Variants in MALRD1 observed in about 807,000 individuals in gnomAD.
The protein encoded by MALRD1 is MAM and LDL receptor class A domain containing 1, also known as MAM and LDL-receptor class A domain-containing protein 1.
In MALRD1, 247 loss-of-function variants were observed where a neutral mutation model predicts 242.1. The ratio of observed to expected loss-of-function variants is 1.02; its 90% CI spans 0.92 to 1.13. The LOEUF (loss-of-function observed/expected upper bound fraction) is 1.13, where lower values mean the gene tolerates loss of function less well. Among genes scored for constraint, MALRD1 ranks in the 50% most tolerant of loss-of-function variants. MALRD1 has a pLI of 0.00. For synonymous variants in MALRD1, 995 were observed against 866.6 expected, an observed-to-expected ratio of 1.15 and a Z score of -2.60; for missense variants, 2,989 against 2,533.1, an observed-to-expected ratio of 1.18 and a Z score of -3.86.
At chr10:19,233,983 A>T (rs971052687) in intron 18 of MALRD1, among the ~76,000 whole-genome samples, 9 of 152,054 alleles carry the variant, frequency 5.9e-5, no homozygotes, top group Middle Eastern at 6.8e-3. Context: ...GCTGAATTTG[A>T]TAATTGGTGC....
intron 14 of MALRD1, among the ~76,000 whole-genome samples, chr10:19,176,995 G>C (rs2131547190): frequency 6.6e-6 from 1 of 152,092 alleles, no homozygotes; most frequent in East Asian, 2.0e-4. Context: ...TCATGAGTTT[G>C]GCCAGGCACG....
At position 19,331,424 on chromosome 10, in the gene MALRD1, A is replaced by G. The variant is rs1843364302; in HGVS notation, c.3743A>G (p.Asp1248Gly). The G allele has an allele frequency of 6.4e-7, 1 of 1,550,536 alleles. No individual in the cohort carries two copies. Among genetic ancestry groups the G allele is most frequent in the Non-Finnish European group, 8.7e-7 (1 of 1,146,886 alleles). Residue 1248 changes from aspartate to glycine, a missense_variant, in exon 24 of 40, where the codon GAT becomes GGT. By Grantham distance (94) the Asp-to-Gly change is moderately conservative (BLOSUM62 -1). Coordinates refer to ENST00000454679, the MANE Select transcript of MALRD1 (RefSeq NM_001142308.3). Reference sequence around the variant, plus strand: ...TACATAGGAGATGTAGCAGTGGATGATATTTCCTTCCAAGATTGCTCCCCT... The same window carrying G: ...TACATAGGAGATGTAGCAGTGGATGGTATTTCCTTCCAAGATTGCTCCCCT... ...ISYIGDVAVD[D>G]ISFQDCSPLL...
intron 26 of MALRD1, among the ~76,000 whole-genome samples, chr10:19,379,728 G>A (rs1008929158): frequency 2.6e-5 from 4 of 151,926 alleles, no homozygotes; most frequent in East Asian, 1.9e-4. Context: ...TATTTCACAC[G>A]TCCTTGAAAA....
intron 38 of MALRD1, among the ~76,000 whole-genome samples, chr10:19,703,546 A>C (rs957613169): frequency 1.3e-5 from 2 of 152,236 alleles, no homozygotes; most frequent in Non-Finnish European, 2.9e-5. Context: ...TCAAGAGTTC[A>C]TAGTAAAAGA....
At position 19,173,343 on chromosome 10, in the gene MALRD1, T is replaced by C. The variant is rs960272767; in HGVS notation, c.1831-1865T>C. Among the ~76,000 whole-genome samples the C allele has an allele frequency of 2.0e-5, 3 of 152,152 alleles. 1 individual carries two copies. Among genetic ancestry groups the C allele is most frequent in the African/African-American group, 7.2e-5 (3 of 41,450 alleles). ...TAACTGGTATAGTATTTCTCACTAT[T>C]GATTGATTCATTCACATGTAAGTTC... On this transcript the variant is annotated intron_variant, in intron 13 of 39. Coordinates refer to ENST00000454679, the MANE Select transcript of MALRD1 (RefSeq NM_001142308.3).
chr10:19,328,318 C>G (rs1365042667), intron 23 of MALRD1, among the ~76,000 whole-genome samples: 1 of 152,070 alleles, frequency 6.6e-6, no homozygotes, highest in Non-Finnish European at 1.5e-5. Flanking sequence ...CTGTTGTTTT[C>G]TTGGGAATTT....
rs759213931 is a variant in MALRD1 at position 19,504,664 on chromosome 10, A to ATTTT, written c.5320+6044_5320+6047dup. On this transcript the variant is annotated intron_variant, in intron 31 of 39. Coordinates refer to ENST00000454679, the MANE Select transcript of MALRD1 (RefSeq NM_001142308.3). ...ACATATAATGACTATATTGTAACAC[A>ATTTT]TTTTTTTTTTTTTTTTTTTTTTTTT... is the stretch of plus-strand genomic sequence containing the variant. Among the ~76,000 whole-genome samples the ATTTT allele has an allele frequency of 7.7e-3, 756 of 97,588 alleles. 59 individuals carry two copies. The highest frequency in any genetic ancestry group is 0.018 in the East Asian group (57 of 3,156). 64.0% of individuals were successfully genotyped at this position (97,588 alleles called of 152,430 possible). A position where few individuals can be genotyped will look rare whatever the true frequency, so the allele number is the denominator to read the frequency against.
intron 28 of MALRD1, among the ~76,000 whole-genome samples, chr10:19,437,107 G>T (rs950393508): frequency 1.3e-5 from 2 of 152,074 alleles, no homozygotes; most frequent in Non-Finnish European, 2.9e-5. Flanking sequence ...TTGTAGACAG[G>T]ATTCTGTAGC....
At position 19,531,311 on chromosome 10, in the gene MALRD1, G is replaced by C. The variant is rs985982226; in HGVS notation, c.5438G>C (p.Trp1813Ser). Residue 1813 changes from tryptophan (W) to serine (S), a missense_variant, in exon 32 of 40, where the codon TGG becomes TCG. Coordinates refer to ENST00000454679, the MANE Select transcript of MALRD1 (RefSeq NM_001142308.3). ...ASLGMCTVRFWFYMIDPRSMG... is the reference protein window; with the variant it reads ...ASLGMCTVRFSFYMIDPRSMG... ...CTTGGAATGTGTACTGTTCGGTTCTGGTTCTACATGATTGATCCCAGGAGT... is the reference window on the plus strand; with the variant it reads ...CTTGGAATGTGTACTGTTCGGTTCTCGTTCTACATGATTGATCCCAGGAGT... The C allele has an allele frequency of 3.2e-6, 5 of 1,548,302 alleles. No homozygotes were observed. The highest frequency in any genetic ancestry group is 4.4e-6 in the Non-Finnish European group (5 of 1,145,584).
At chr10:19,684,816 A>T (rs1842511230) in intron 36 of MALRD1, among the ~76,000 whole-genome samples, 1 of 152,184 alleles carries the variant, frequency 6.6e-6, no homozygotes, top group South Asian at 2.1e-4. Context: ...ACTGTGAAAC[A>T]AAATTATAAA....
intron 28 of MALRD1, among the ~76,000 whole-genome samples, chr10:19,429,730 G>A (rs1834046149): frequency 6.6e-6 from 1 of 151,932 alleles, no homozygotes; most frequent in African/African-American, 2.4e-5. Context: ...CTAATTTCTA[G>A]TTCTTGATAT....
chr10:19,542,834 A>G (rs1368532042), intron 32 of MALRD1, among the ~76,000 whole-genome samples: 10 of 152,058 alleles, frequency 6.6e-5, no homozygotes, highest in African/African-American at 1.9e-4. Flanking sequence ...AAAAGTGTCT[A>G]TTTGTCTTTT....
At chr10:19,297,898 CA>C (rs1164794364) in intron 21 of MALRD1, among the ~76,000 whole-genome samples, 2 of 151,784 alleles carry the variant, frequency 1.3e-5, no homozygotes. Context: ...AGAATTTCAT[CA>C]AGCAAAGCGA....
At chr10:19,183,875 T>G (rs1453048441) in intron 14 of MALRD1, among the ~76,000 whole-genome samples, 1 of 152,210 alleles carries the variant, frequency 6.6e-6, no homozygotes, top group Non-Finnish European at 1.5e-5. Flanking sequence ...TGCAGTTACT[T>G]AAAATGTAAC....
At chr10:19,122,637 A>G (rs1347709209) in intron 5 of MALRD1, among the ~76,000 whole-genome samples, 1 of 151,894 alleles carries the variant, frequency 6.6e-6, no homozygotes, top group Non-Finnish European at 1.5e-5. Context: ...CAGAGGGAGA[A>G]TTGTCTGCAA....
At chr10:19,224,680 G>A (rs985488790) in intron 18 of MALRD1, among the ~76,000 whole-genome samples, 7 of 152,058 alleles carry the variant, frequency 4.6e-5, no homozygotes, top group Non-Finnish European at 1.5e-5. Context: ...ACTTTTTGAT[G>A]GGGTTGTTTT....
chr10:19,652,748 T>C (rs764876301), intron 36 of MALRD1, among the ~76,000 whole-genome samples: 13 of 152,168 alleles, frequency 8.5e-5, no homozygotes, highest in Non-Finnish European at 1.8e-4. Flanking sequence ...TATATAAACA[T>C]TAGGGTTAGA....
chr10:19,098,009 C>A (rs1013889186), intron 4 of MALRD1, among the ~76,000 whole-genome samples: 3 of 152,056 alleles, frequency 2.0e-5, no homozygotes, highest in African/African-American at 7.2e-5. Context: ...ATTCTTTTAT[C>A]CCTCTACTTT....
chr10:19,563,802 G>A (rs1436732380), intron 32 of MALRD1, among the ~76,000 whole-genome samples: 1 of 152,180 alleles, frequency 6.6e-6, no homozygotes, highest in African/African-American at 2.4e-5. Context: ...TAGGTTGGAT[G>A]TCCCCTCCAA....
Sources: allele counts gnomAD v4.1 joint callset (sites outside exome capture counted in the v4.1 genomes callset), GRCh38; gene constraint gnomAD v4.1.1; transcripts MANE v1.5; gene names NCBI Gene and HGNC (gene_info 2026-07-23, HGNC 2026-07-21).